RNASET2: variants seen among roughly 807,000 people sequenced by gnomAD.
The protein encoded by RNASET2 is ribonuclease T2.
Under a neutral mutation model 33.9 loss-of-function variants are expected in RNASET2, and 28 were observed. The ratio of observed to expected loss-of-function variants is 0.83; its 90% confidence interval spans 0.61 to 1.13. The LOEUF (loss-of-function observed/expected upper bound fraction) is 1.13, where lower values mean the gene tolerates loss of function less well. Among genes scored for constraint, RNASET2 ranks in the 50% most tolerant of loss-of-function variants. The pLI, the probability that RNASET2 is intolerant of heterozygous loss-of-function variation, is 0.00. For synonymous variants in RNASET2, 123 were observed against 121.0 expected (o/e 1.02, Z -0.11); for missense variants, 330 against 319.9 (o/e 1.03, Z -0.24).
At chr6:166,955,778 T>TC (rs1779149931) in intron 1 of RNASET2, 3 of 968,486 alleles carry the variant, frequency 3.1e-6, no homozygotes, top group South Asian at 4.9e-5. Flanking sequence ...TGCCCAGGGC[T>TC]CCCCCCAACC....
rs1778335516 is a variant in RNASET2 at position 166,928,115 on chromosome 6, C to T, written c.*1473G>A. Among the ~76,000 whole-genome samples the T allele has an allele frequency of 6.6e-6, 1 of 152,228 alleles. No homozygotes were observed. The highest frequency in any genetic ancestry group is 6.5e-5 in the Admixed American group (1 of 15,288). On this transcript the variant is annotated 3_prime_UTR_variant, in exon 9 of 9. Transcript: ENST00000508775. ...CCATCAAATCCCCCATCATCTCACT[C>T]TGTCTGTCTGCAGAAGCTGTCAGGC...
intron 2 of RNASET2, among the ~76,000 whole-genome samples, chr6:166,949,889 A>G (rs2128647010): frequency 6.6e-6 from 1 of 152,346 alleles, no homozygotes; most frequent in East Asian, 1.9e-4. Flanking sequence ...TGACACAAGC[A>G]TCTCATCAGA....
At position 166,923,065 on chromosome 6, in the gene RNASET2, T is replaced by C. The variant is rs1778256068; in HGVS notation, c.*6523A>G. Among the ~76,000 whole-genome samples the C allele has an allele frequency of 6.6e-6, 1 of 152,214 alleles. No individual in the cohort carries two copies. The highest frequency in any genetic ancestry group is 1.5e-5 in the Non-Finnish European group (1 of 68,034). ...ACGTCAGCATAAAGTCCATACAGCATTTAATGGATCTTAACTTTATCCATC... is the reference window on the plus strand; with the variant it reads ...ACGTCAGCATAAAGTCCATACAGCACTTAATGGATCTTAACTTTATCCATC... On this transcript the variant is annotated 3_prime_UTR_variant, in exon 9 of 9. Coordinates refer to ENST00000508775, the MANE Select transcript of RNASET2 (RefSeq NM_003730.6).
rs749067371 is a variant in RNASET2, at chr6:166,934,150, T to A, written c.447-14A>T. ...TTTAGAAGCACACTAAAATTTAAATTTAAAAAAGTTAGCTGTATAATGAAG... is the reference window on the plus strand; with the variant it reads ...TTTAGAAGCACACTAAAATTTAAATATAAAAAAGTTAGCTGTATAATGAAG... On this transcript the variant is annotated splice_polypyrimidine_tract_variant and intron_variant, in intron 6 of 8. Coordinates refer to ENST00000508775, the MANE Select transcript of RNASET2 (RefSeq NM_003730.6). The A allele has an allele frequency of 1.9e-6, 3 of 1,541,978 alleles. No individual in the cohort carries two copies. Among genetic ancestry groups the A allele is most frequent in the Non-Finnish European group, 2.7e-6 (3 of 1,115,568 alleles).
chr6:166,952,112 A>G (rs1778998357), intron 2 of RNASET2, among the ~76,000 whole-genome samples: 1 of 152,234 alleles, frequency 6.6e-6, no homozygotes, highest in South Asian at 2.1e-4. Context: ...GATTGGGGTG[A>G]TGGGTCAGCC....
At chr6:166,955,265 ACACACG>A (rs1562506910) in intron 1 of RNASET2, among the ~76,000 whole-genome samples, 3,274 of 90,902 alleles carry the variant, frequency 0.036, 55 homozygotes, top group East Asian at 0.052. Flanking sequence ...ACGCACACAC[ACACACG>A]CGCACACACG....
chr6:166,931,705 G>GC, intron 7 of RNASET2: 1 of 165,100 alleles, frequency 6.1e-6, no homozygotes, highest in Non-Finnish European at 1.3e-5. Context: ...TCTGCCTCGT[G>GC]CCTTCTGACT....
At chr6:166,950,874 G>A in intron 2 of RNASET2, among the ~76,000 whole-genome samples, 1 of 152,244 alleles carries the variant, frequency 6.6e-6, no homozygotes, top group East Asian at 1.9e-4. Context: ...TACATGGAGG[G>A]ATGTAGGGAC....
chr6:166,956,415 G>A lies in RNASET2; in HGVS notation c.-233C>T, dbSNP rs1052893819. ...ATGGCCGCAGCAGCCCTGGCGACCCGGGCCCCTCGGAGCTCCCCTTCAGGA... is the reference window on the plus strand; with the variant it reads ...ATGGCCGCAGCAGCCCTGGCGACCCAGGCCCCTCGGAGCTCCCCTTCAGGA... On this transcript the variant is annotated 5_prime_UTR_variant, in exon 1 of 9. Coordinates refer to ENST00000508775, the MANE Select transcript of RNASET2 (RefSeq NM_003730.6). 3 of 568,348 alleles carry A rather than the reference G, an allele frequency of 5.3e-6. No homozygotes were observed. The highest frequency in any genetic ancestry group is 3.9e-5 in the African/African-American group (2 of 51,386). 35.2% of individuals were successfully genotyped at this position (568,348 alleles called of 1,614,324 possible). A position where few individuals can be genotyped will look rare whatever the true frequency, so the allele number is the denominator to read the frequency against.
rs913701403 is a variant in RNASET2, at chr6:166,926,195, G to A, written c.*3393C>T. On this transcript the variant is annotated 3_prime_UTR_variant, in exon 9 of 9. Coordinates refer to ENST00000508775, the MANE Select transcript of RNASET2 (RefSeq NM_003730.6). The stretch of plus-strand genomic sequence containing the variant: ...TTTGAGGTTTCTACCTGGAATAAGC[G>A]GATGGTGATGTCATTCACCGAGATG... Among the ~76,000 whole-genome samples the A allele has an allele frequency of 2.6e-5, 4 of 151,894 alleles. No individual in the cohort carries two copies. The highest frequency in any genetic ancestry group is 4.8e-5 in the African/African-American group (2 of 41,428).
At chr6:166,939,481 C>A (rs536417252) in intron 5 of RNASET2, among the ~76,000 whole-genome samples, 1 of 152,192 alleles carries the variant, frequency 6.6e-6, no homozygotes, top group African/African-American at 2.4e-5. Context: ...TTATTTCAAT[C>A]CCCCACGATT....
At chr6:166,952,642 G>C in intron 1 of RNASET2, 94 bp from the exon 2 acceptor site, 1 of 941,486 alleles carries the variant, frequency 1.1e-6, no homozygotes, top group Non-Finnish European at 1.7e-6. Context: ...CATTCATTCA[G>C]CACTGAGTGC....
In RNASET2 at chr6:166,922,982, C is replaced by T. The variant is rs1383335794; in HGVS notation, c.*6606G>A. Among the ~76,000 whole-genome samples the T allele has an allele frequency of 6.6e-6, 1 of 152,218 alleles. No individual in the cohort carries two copies. The highest frequency in any genetic ancestry group is 2.4e-5 in the African/African-American group (1 of 41,440). ...AAAAGGTGATTGTGTAATTCTTGCT[C>T]CCTCAAATAAAGGGAATGTAAATGC... On this transcript the variant is annotated 3_prime_UTR_variant, in exon 9 of 9. Transcript: ENST00000508775.
At chr6:166,954,420 A>G (rs1375348839) in intron 1 of RNASET2, among the ~76,000 whole-genome samples, 1 of 152,216 alleles carries the variant, frequency 6.6e-6, no homozygotes, top group African/African-American at 2.4e-5. Context: ...CTGTACCTTA[A>G]CTGATTTCTC....
chr6:166,956,317 G>A lies in RNASET2; in HGVS notation c.-135C>T. 1 of 868,828 alleles carries A rather than the reference G, an allele frequency of 1.2e-6. No individual in the cohort carries two copies. Among genetic ancestry groups the A allele is most frequent in the Non-Finnish European group, 1.9e-6 (1 of 540,308 alleles). The allele number at this position is 868,828 out of a possible 1,614,324, so 53.8% of individuals were successfully genotyped here. A position where few individuals can be genotyped will look rare whatever the true frequency, so the allele number is the denominator to read the frequency against. On this transcript the variant is annotated 5_prime_UTR_variant, in exon 1 of 9. Transcript: ENST00000508775. ...GCCGCGCTCCCTCCGCTGCAGCAGC[G>A]GCCACCGGGTGCGCCCGGAGCCCTG...
Position 166,927,175 on chromosome 6 carries a change from C to G in RNASET2, c.*2413G>C, listed in dbSNP as rs925553794. Among the ~76,000 whole-genome samples the G allele has an allele frequency of 6.6e-6, 1 of 152,228 alleles. No individual in the cohort carries two copies. Among genetic ancestry groups the G allele is most frequent in the Non-Finnish European group, 1.5e-5 (1 of 68,048 alleles). On this transcript the variant is annotated 3_prime_UTR_variant, in exon 9 of 9. Coordinates refer to ENST00000508775, the MANE Select transcript of RNASET2 (RefSeq NM_003730.6). ...ATGATGTAAAAACATGTGCTTGGATCTGATCTCCATCACTGAACCTTAAAC... is the reference window on the plus strand; with the variant it reads ...ATGATGTAAAAACATGTGCTTGGATGTGATCTCCATCACTGAACCTTAAAC...
chr6:166,922,980 C>T lies in RNASET2; in HGVS notation c.*6608G>A, dbSNP rs1778255082. The stretch of plus-strand genomic sequence containing the variant: ...GGAAAAGGTGATTGTGTAATTCTTG[C>T]TCCCTCAAATAAAGGGAATGTAAAT... On this transcript the variant is annotated 3_prime_UTR_variant, in exon 9 of 9. Coordinates refer to ENST00000508775, the MANE Select transcript of RNASET2 (RefSeq NM_003730.6). Among the ~76,000 whole-genome samples the T allele has an allele frequency of 6.6e-6, 1 of 152,240 alleles. No individual in the cohort carries two copies. Among genetic ancestry groups the T allele is most frequent in the Admixed American group, 6.5e-5 (1 of 15,284 alleles).
At chr6:166,955,367 A>C (rs1413335788) in intron 1 of RNASET2, 1 of 190,568 alleles carries the variant, frequency 5.2e-6, no homozygotes, top group Admixed American at 2.2e-4. Context: ...ACACACGCAC[A>C]CACAAACGCA....
chr6:166,931,611 A>C, intron 7 of RNASET2: 1 of 191,116 alleles, frequency 5.2e-6, no homozygotes, highest in South Asian at 9.8e-5. Context: ...CCGAAACTGC[A>C]AACCTAGACC....
Sources: allele counts gnomAD v4.1 joint callset (sites outside exome capture counted in the v4.1 genomes callset), GRCh38; gene constraint gnomAD v4.1.1; transcripts MANE v1.5; gene names NCBI Gene and HGNC (gene_info 2026-07-23, HGNC 2026-07-21).